NXPE2: variants seen among roughly 807,000 people sequenced by gnomAD.
NXPE2 encodes NXPE family member 2.
A neutral mutation model predicts 34.4 loss-of-function variants in NXPE2; 34 were observed. The observed-to-expected ratio is 0.99, with a 90% CI of 0.75 to 1.31. The LOEUF is 1.31. Among genes scored for constraint, NXPE2 ranks in the 40% most tolerant of loss-of-function variants. The pLI, the probability that NXPE2 is intolerant of heterozygous loss-of-function variation, is 0.00. For synonymous variants in NXPE2, 235 were observed against 231.3 expected, an observed-to-expected ratio of 1.02 and a Z score of -0.15; for missense variants, 649 against 672.5, an observed-to-expected ratio of 0.97 and a Z score of 0.39.
chr11:114,571,876 CAT>C, the NXPE2 span, among the ~76,000 whole-genome samples: 1 of 152,222 alleles, frequency 6.6e-6, no homozygotes, highest in Non-Finnish European at 1.5e-5. Context: ...GGCAAGTTTC[CAT>C]CCTGCCTGTA....
chr11:114,592,804 GTTATACTGGCATAAATATAGTCAC>G, the NXPE2 span, among the ~76,000 whole-genome samples: 2 of 151,896 alleles, frequency 1.3e-5, no homozygotes, highest in Non-Finnish European at 2.9e-5. Context: ...AGTAAACAGT[GTTATACTGGCATAAATATAGTCAC>G]ATACACCAAT....
At chr11:114,579,288 A>T in the NXPE2 span, among the ~76,000 whole-genome samples, 1 of 152,168 alleles carries the variant, frequency 6.6e-6, no homozygotes, top group Admixed American at 6.5e-5. Flanking sequence ...GTCATGAGAG[A>T]TCCACCTCCG....
At chr11:114,633,751 G>C in the NXPE2 span, among the ~76,000 whole-genome samples, 1 of 151,850 alleles carries the variant, frequency 6.6e-6, no homozygotes, top group Non-Finnish European at 1.5e-5. Context: ...TACTGAGAAT[G>C]ATGATTTCCA....
chr11:114,598,844 C>G, the NXPE2 span, among the ~76,000 whole-genome samples: 1 of 151,114 alleles, frequency 6.6e-6, no homozygotes, highest in South Asian at 2.1e-4. Context: ...GGCCTTCTCC[C>G]CATTGTCTCC....
intron 3 of NXPE2, among the ~76,000 whole-genome samples, chr11:114,701,294 C>A (rs1309812070): frequency 6.6e-6 from 1 of 152,106 alleles, no homozygotes; most frequent in East Asian, 1.9e-4. Flanking sequence ...TTGGCTACAG[C>A]TGGATCCCTC....
the NXPE2 span, among the ~76,000 whole-genome samples, chr11:114,631,933 T>C: frequency 6.6e-6 from 1 of 151,044 alleles, no homozygotes; most frequent in Non-Finnish European, 1.5e-5. Context: ...CGGTGGATAA[T>C]AAATATTGCC....
the NXPE2 span, among the ~76,000 whole-genome samples, chr11:114,657,111 C>T: frequency 6.6e-6 from 1 of 152,060 alleles, no homozygotes; most frequent in Non-Finnish European, 1.5e-5. Flanking sequence ...AACAAACAAA[C>T]ACCAAATTAC....
At chr11:114,475,626 T>G in the NXPE2 span, among the ~76,000 whole-genome samples, 1 of 152,176 alleles carries the variant, frequency 6.6e-6, no homozygotes, top group African/African-American at 2.4e-5. Context: ...TCCTTAAGTT[T>G]GCCTTCATGA....
chr11:114,628,506 G>A, the NXPE2 span, among the ~76,000 whole-genome samples: 2 of 151,968 alleles, frequency 1.3e-5, no homozygotes, highest in African/African-American at 4.8e-5. Flanking sequence ...GAATCTCTGG[G>A]ACACATTCAA....
At chr11:114,486,553 T>C in the NXPE2 span, among the ~76,000 whole-genome samples, 3 of 152,192 alleles carry the variant, frequency 2.0e-5, no homozygotes, top group Non-Finnish European at 4.4e-5. Flanking sequence ...TTATGTATTA[T>C]AGTCAAGAAA....
the NXPE2 span, among the ~76,000 whole-genome samples, chr11:114,575,193 A>G: frequency 3.3e-5 from 5 of 152,134 alleles, no homozygotes; most frequent in Admixed American, 6.5e-5. Flanking sequence ...GACATACCTT[A>G]AGGTAATAGA....
the NXPE2 span, among the ~76,000 whole-genome samples, chr11:114,724,362 A>G: frequency 1.3e-5 from 2 of 152,188 alleles, no homozygotes; most frequent in Non-Finnish European, 2.9e-5. Context: ...AAGAATGAAT[A>G]AAGCCATGGG....
intron 2 of NXPE2, among the ~76,000 whole-genome samples, chr11:114,689,071 A>C (rs969560739): frequency 6.6e-6 from 1 of 151,744 alleles, no homozygotes; most frequent in Middle Eastern, 3.4e-3. Flanking sequence ...TGTATTTTTT[A>C]TGGGGTCTGA....
the NXPE2 span, among the ~76,000 whole-genome samples, chr11:114,659,356 C>A: frequency 6.6e-6 from 1 of 151,210 alleles, no homozygotes; most frequent in African/African-American, 2.4e-5. Flanking sequence ...TTTTGATGGC[C>A]TTATCAGAAG....
At chr11:114,729,723 A>G in the NXPE2 span, among the ~76,000 whole-genome samples, 1 of 152,010 alleles carries the variant, frequency 6.6e-6, no homozygotes, top group Non-Finnish European at 1.5e-5. Context: ...GTGCATGTTC[A>G]TGTTTTTTGC....
chr11:114,717,388 G>T, the NXPE2 span, among the ~76,000 whole-genome samples: 1 of 152,248 alleles, frequency 6.6e-6, no homozygotes, highest in South Asian at 2.1e-4. Context: ...GTCCCTGAAC[G>T]TGGAAATGGG....
the NXPE2 span, among the ~76,000 whole-genome samples, chr11:114,768,436 AATT>A: frequency 6.6e-6 from 1 of 152,210 alleles, no homozygotes; most frequent in African/African-American, 2.4e-5. Flanking sequence ...GTTTTTTTCT[AATT>A]CTGTGAAGAA....
chr11:114,486,507 G>C, the NXPE2 span, among the ~76,000 whole-genome samples: 19 of 152,036 alleles, frequency 1.2e-4, no homozygotes, highest in Admixed American at 1.2e-3. Flanking sequence ...AATTTGATAT[G>C]ATCCCATTTG....
chr11:114,562,486 G>T, the NXPE2 span, among the ~76,000 whole-genome samples: 1 of 152,180 alleles, frequency 6.6e-6, no homozygotes, highest in Non-Finnish European at 1.5e-5. Flanking sequence ...CATAGGAAAA[G>T]ACAGAAATAC....
Sources: allele counts gnomAD v4.1 joint callset (sites outside exome capture counted in the v4.1 genomes callset), GRCh38; gene constraint gnomAD v4.1.1; transcripts MANE v1.5; gene names NCBI Gene and HGNC (gene_info 2026-07-23, HGNC 2026-07-21).